The following SAXO1 variants were observed in gnomAD, a reference collection of about 807,000 sequenced individuals.
The protein encoded by SAXO1 is stabilizer of axonemal microtubules 1.
Under a neutral mutation model 17.5 loss-of-function variants are expected in SAXO1, and 21 were observed. That is an observed-to-expected ratio of 1.20 (90% confidence interval 0.85 to 1.72). The LOEUF (loss-of-function observed/expected upper bound fraction) is 1.72. SAXO1 is among the 40% of genes most tolerant of loss of function. The pLI, the probability that SAXO1 is intolerant of heterozygous loss-of-function variation, is 0.00. For synonymous variants in SAXO1, 274 were observed against 216.5 expected (o/e 1.27, Z -2.33); for missense variants, 843 against 596.0 (o/e 1.41, Z -4.32).
intron 1 of SAXO1, among the ~76,000 whole-genome samples, chr9:18,983,054 G>A (rs7875035): frequency 0.51 from 77,831 of 151,790 alleles, 21,711 homozygotes; most frequent in Non-Finnish European, 0.63. Flanking sequence ...CGGACCATTA[G>A]CAGAGAGGTT....
intron 1 of SAXO1, among the ~76,000 whole-genome samples, chr9:19,026,541 A>C (rs1835478547): frequency 1.3e-5 from 2 of 152,208 alleles, no homozygotes; most frequent in African/African-American, 4.8e-5. Flanking sequence ...CCACAGTTTC[A>C]AATTTAGTCA....
chr9:19,019,656 G>A (rs956974635), intron 1 of SAXO1, among the ~76,000 whole-genome samples: 1 of 152,044 alleles, frequency 6.6e-6, no homozygotes, highest in African/African-American at 2.4e-5. Flanking sequence ...CTTGAGCCAG[G>A]GAGGCAGAGG....
intron 2 of SAXO1, among the ~76,000 whole-genome samples, chr9:18,948,723 C>T (rs141360273): frequency 9.5e-4 from 145 of 152,282 alleles, no homozygotes; most frequent in African/African-American, 3.3e-3. Flanking sequence ...GGGTTTGTCC[C>T]CATTCTCCTA....
At chr9:19,011,886 G>A (rs539728898) in intron 1 of SAXO1, among the ~76,000 whole-genome samples, 8 of 138,470 alleles carry the variant, frequency 5.8e-5, no homozygotes, top group East Asian at 2.1e-4. Context: ...TCATTCTGTC[G>A]CCAGGCTAGA....
chr9:19,000,529 G>GC (rs1834220321), intron 1 of SAXO1, among the ~76,000 whole-genome samples: 1 of 146,480 alleles, frequency 6.8e-6, no homozygotes, highest in Non-Finnish European at 1.5e-5. Context: ...CTGCACAGCT[G>GC]CCCCCCTCTA....
At chr9:19,010,649 T>C (rs1013593253) in intron 1 of SAXO1, among the ~76,000 whole-genome samples, 5 of 152,154 alleles carry the variant, frequency 3.3e-5, no homozygotes, top group Non-Finnish European at 7.4e-5. Context: ...ATTATTTGGC[T>C]AGCTGACTCT....
At chr9:18,936,117 G>A (rs1321760501) in intron 3 of SAXO1, among the ~76,000 whole-genome samples, 1 of 152,066 alleles carries the variant, frequency 6.6e-6, no homozygotes, top group Non-Finnish European at 1.5e-5. Flanking sequence ...TTGGGAAGAG[G>A]ATTTGCCAAG....
intron 1 of SAXO1, among the ~76,000 whole-genome samples, chr9:19,011,034 C>T (rs1438420674): frequency 6.6e-6 from 1 of 152,180 alleles, no homozygotes. Context: ...TCTCTAACCT[C>T]TTCACTACAC....
intron 1 of SAXO1, among the ~76,000 whole-genome samples, chr9:19,002,790 C>T (rs1834330148): frequency 1.3e-5 from 2 of 152,194 alleles, no homozygotes; most frequent in African/African-American, 4.8e-5. Context: ...CAATATCATA[C>T]TAACTGGGCA....
rs1159636081 is a variant in SAXO1 at position 18,928,380 on chromosome 9, T to G, written c.1097A>C (p.Glu366Ala). The G allele has an allele frequency of 1.9e-6, 3 of 1,612,158 alleles. No individual in the cohort carries two copies. Among genetic ancestry groups the G allele is most frequent in the Non-Finnish European group, 2.5e-6 (3 of 1,179,140 alleles). The part of the protein sequence containing the change: ...KPVPQLDLPT[E>A]PLDCLTTTRA... Reference sequence around the variant, plus strand: ...AGTGGTGGTCAGGCAGTCCAGGGGCTCGGTGGGCAAGTCCAGCTGGGGAAC... The same window carrying G: ...AGTGGTGGTCAGGCAGTCCAGGGGCGCGGTGGGCAAGTCCAGCTGGGGAAC... The change falls in exon 4 of 4, where the codon GAG becomes GCG. Residue 366 changes from glutamate (E) to alanine (A), a missense_variant. Physicochemically the swap from Glu to Ala is moderately radical, Grantham distance 107. Transcript: ENST00000380534.
At chr9:18,938,806 G>T (rs1262178614) in intron 3 of SAXO1, among the ~76,000 whole-genome samples, 1 of 143,960 alleles carries the variant, frequency 6.9e-6, no homozygotes, top group East Asian at 2.0e-4. Flanking sequence ...GTGTGGTGGG[G>T]TGCATGCGTG....
chr9:18,956,512 G>A (rs1463717710), intron 1 of SAXO1, among the ~76,000 whole-genome samples: 1 of 152,186 alleles, frequency 6.6e-6, no homozygotes, highest in Non-Finnish European at 1.5e-5. Flanking sequence ...TGTGGGCAGT[G>A]AAGAGGGTTC....
rs1471551409 is a variant in SAXO1 at position 18,928,469 on chromosome 9, G to C, written c.1008C>G (p.Gly336=). The change falls in exon 4 of 4, where the codon GGC becomes GGG. Residue 336 remains glycine, a synonymous_variant. Coordinates refer to ENST00000380534, the MANE Select transcript of SAXO1 (RefSeq NM_153707.4). ...TGTAGTCATCCTTGGTGGTGGAAGA[G>C]CCTTCAAAGCGACCGCACTTCTTAA... The part of the protein sequence containing the change: ...LQIKKCGRFE[G]SSTTKDDYKQ... 1.9e-6 allele frequency: 3 copies of C among 1,612,702 alleles called. No homozygotes were observed. Among genetic ancestry groups the C allele is most frequent in the Non-Finnish European group, 2.5e-6 (3 of 1,179,390 alleles).
At chr9:19,003,669 G>T (rs112581137) in intron 1 of SAXO1, among the ~76,000 whole-genome samples, 123 of 152,266 alleles carry the variant, frequency 8.1e-4, no homozygotes, top group African/African-American at 2.7e-3. Flanking sequence ...AATAAATGGT[G>T]CTGGGAAAAC....
In SAXO1 at chr9:19,032,977, C is replaced by G. The variant is rs1481132218; in HGVS notation, c.-69G>C. ...GCTGCAGCCGACTCCTAGACCCCAACCACCTGTCTTGGGGCACGCCCAGGC... is the reference window on the plus strand; with the variant it reads ...GCTGCAGCCGACTCCTAGACCCCAAGCACCTGTCTTGGGGCACGCCCAGGC... On this transcript the variant is annotated 5_prime_UTR_variant, in exon 1 of 4. Coordinates refer to ENST00000380534, the MANE Select transcript of SAXO1 (RefSeq NM_153707.4). 16 of 1,521,256 alleles carry G rather than the reference C, an allele frequency of 1.1e-5. No individual in the cohort carries two copies. The highest frequency in any genetic ancestry group is 1.2e-5 in the Non-Finnish European group (14 of 1,124,298). 94.2% of individuals were successfully genotyped at this position (1,521,256 alleles called of 1,614,324 possible).
intron 1 of SAXO1, among the ~76,000 whole-genome samples, chr9:19,044,585 C>T (rs1011052560): frequency 5.9e-5 from 9 of 152,142 alleles, no homozygotes; most frequent in South Asian, 2.1e-4. Context: ...CTGAATCCGG[C>T]GGGCGCGGTA....
chr9:19,025,866 G>A (rs1008173890), intron 1 of SAXO1, among the ~76,000 whole-genome samples: 2 of 140,192 alleles, frequency 1.4e-5, no homozygotes, highest in African/African-American at 5.8e-5. Flanking sequence ...TTACTAAAAG[G>A]CTTTTAGAAT....
chr9:18,956,024 C>T (rs1290061910), intron 1 of SAXO1, among the ~76,000 whole-genome samples: 4 of 151,688 alleles, frequency 2.6e-5, no homozygotes, highest in African/African-American at 9.7e-5. Context: ...ACTGCAGCCT[C>T]AAAATTCCTG....
At chr9:18,953,599 G>A (rs189569809) in intron 1 of SAXO1, among the ~76,000 whole-genome samples, 50 of 152,184 alleles carry the variant, frequency 3.3e-4, no homozygotes, top group African/African-American at 1.2e-3. Context: ...GTGTGCTCAT[G>A]GAGTCATCTC....
Sources: gnomAD v4.1 joint callset for allele counts (sites outside exome capture counted in the v4.1 genomes callset) on GRCh38, gnomAD v4.1.1 for gene constraint, MANE v1.5 for transcripts, NCBI Gene and HGNC (gene_info 2026-07-23, HGNC 2026-07-21) for gene names.